Variants in ROPN1B observed in about 807,000 individuals in gnomAD.
ROPN1B encodes the protein rhophilin associated tail protein 1B.
ROPN1B carries 13 observed loss-of-function variants against 23.7 expected under a neutral mutation model. That is an observed-to-expected ratio of 0.55 (90% CI 0.36 to 0.87). The LOEUF (loss-of-function observed/expected upper bound fraction) is 0.87, where lower values mean the gene tolerates loss of function less well. ROPN1B is among the 40% of genes least tolerant of loss of function. ROPN1B has a pLI of 0.01. For missense variants in ROPN1B, 183 were observed against 249.2 expected (o/e 0.73, Z 1.79); for synonymous variants, 67 against 100.4 (o/e 0.67, Z 1.99).
intron 4 of ROPN1B, chr3:125,976,695 T>G (rs1377338729): frequency 1.1e-5 from 6 of 537,966 alleles, no homozygotes; most frequent in Non-Finnish European, 2.1e-5. Context: ...ATATAAGGAA[T>G]AAAACAATTT....
intron 5 of ROPN1B, chr3:125,977,988 T>A (rs1052596078): frequency 6.6e-5 from 10 of 152,254 alleles, no homozygotes; most frequent in Non-Finnish European, 1.5e-4. Flanking sequence ...AATCTTGTTC[T>A]TCTCAAATAT....
Position 125,975,617 on chromosome 3 carries a change from G to A in ROPN1B, c.171G>A (p.Glu57=), listed in dbSNP as rs762866287. 6.2e-7 allele frequency: 1 copy of A among 1,614,158 alleles called. No homozygotes were observed. Among genetic ancestry groups the A allele is most frequent in the Non-Finnish European group, 8.5e-7 (1 of 1,180,012 alleles). The change falls in exon 4 of 7, where the codon GAG becomes GAA. Residue 57 remains glutamate (E), a synonymous_variant. Transcript: ENST00000514116. ...CGCCTCCGGTGAGAGAGCGGTCTGAGCGAGTCGCTTTGTGTAACTGGGCAG... is the reference window on the plus strand; with the variant it reads ...CGCCTCCGGTGAGAGAGCGGTCTGAACGAGTCGCTTTGTGTAACTGGGCAG... ...GETPPVRERS[E]RVALCNWAEL...
intron 3 of ROPN1B, 62 bp from the exon 4 acceptor site, chr3:125,975,501 T>C: frequency 6.8e-7 from 1 of 1,480,112 alleles, no homozygotes. Context: ...GAAGGATTGC[T>C]AGAACAGCCA....
At chr3:125,977,940 T>C (rs1262893965) in intron 5 of ROPN1B, 1 of 152,372 alleles carries the variant, frequency 6.6e-6, no homozygotes. Flanking sequence ...ACAAATGGTA[T>C]GAAAAGGTAG....
chr3:125,982,464 A>T lies in ROPN1B; in HGVS notation c.572+19A>T. On this transcript the variant is annotated intron_variant, in intron 6 of 6. Coordinates refer to ENST00000514116, the MANE Select transcript of ROPN1B (RefSeq NM_001308313.2). ...AGGAAGTGTAAGTTAACTTTTACCA[A>T]TTGGAGGTGAAAGAATACCAGGAAA... is the stretch of plus-strand genomic sequence containing the variant. The T allele has an allele frequency of 6.3e-7, 1 of 1,576,506 alleles. No individual in the cohort carries two copies. The highest frequency in any genetic ancestry group is 8.6e-7 in the Non-Finnish European group (1 of 1,163,964).
In ROPN1B at chr3:125,970,053, C is replaced by T. The variant is rs550062738; in HGVS notation, c.-59+653C>T. ...TGAACACTAAGTTCCAGGCACTGGG[C>T]TAGGCACTGGGATGGTGTGGTGAGC... On this transcript the variant is annotated intron_variant, in intron 1 of 6. Transcript: ENST00000514116. 6.0e-5 allele frequency: 9 copies of T among 150,794 alleles called. No homozygotes were observed. In the South Asian group the frequency reaches 1.7e-3, roughly 29 times the overall value. 9.3% of individuals were successfully genotyped at this position (150,794 alleles called of 1,614,324 possible).
intron 5 of ROPN1B, among the ~76,000 whole-genome samples, chr3:125,981,138 AATT>A (rs1250145255): frequency 6.8e-6 from 1 of 148,008 alleles, no homozygotes; most frequent in Non-Finnish European, 1.5e-5. Context: ...TAAAATTAAT[AATT>A]ATTATAAATT....
intron 3 of ROPN1B, 75 bp from the exon 4 acceptor site, chr3:125,975,488 G>C (rs1559784017): frequency 7.0e-7 from 1 of 1,420,214 alleles, no homozygotes; most frequent in Non-Finnish European, 9.6e-7. Context: ...TCAGAAGAAG[G>C]GGGAAGGATT....
At chr3:125,974,128 C>T (rs1580342423) in intron 3 of ROPN1B, among the ~76,000 whole-genome samples, 1 of 152,194 alleles carries the variant, frequency 6.6e-6, no homozygotes, top group African/African-American at 2.4e-5. Flanking sequence ...CTGAGTGTTA[C>T]TCTACCCGGG....
intron 2 of ROPN1B, among the ~76,000 whole-genome samples, chr3:125,971,470 T>C (rs1411544073): frequency 6.6e-6 from 1 of 152,248 alleles, no homozygotes; most frequent in Admixed American, 6.5e-5. Flanking sequence ...TGAGAGAAAA[T>C]GTACGAGTTT....
intron 5 of ROPN1B, among the ~76,000 whole-genome samples, chr3:125,979,522 C>A (rs546159748): frequency 6.6e-6 from 1 of 152,292 alleles, no homozygotes; most frequent in South Asian, 2.1e-4. Context: ...TCATGAGGAA[C>A]AGGCCCTCAC....
Position 125,972,094 on chromosome 3 carries a change from C to G in ROPN1B, c.40C>G (p.Leu14Val). ...TAAGCCAACATGCATCCCGCCGGAGCTGCCGAAAATGCTGAAGGAGTTTGC... is the reference window on the plus strand; with the variant it reads ...TAAGCCAACATGCATCCCGCCGGAGGTGCCGAAAATGCTGAAGGAGTTTGC... The part of the protein sequence containing the change: ...TDKPTCIPPE[L>V]PKMLKEFAKA... The change falls in exon 3 of 7, where the codon CTG (leucine) becomes GTG (valine). Residue 14 changes from leucine to valine, a missense_variant. Physicochemically the swap from Leu to Val is conservative, Grantham distance 32. Around this residue, in one of 3 missense-constraint regions of ROPN1B, gnomAD observed 97 missense variants for 99.6 expected, o/e 0.97. Coordinates refer to ENST00000514116, the MANE Select transcript of ROPN1B (RefSeq NM_001308313.2). 6.2e-7 allele frequency: 1 copy of G among 1,614,212 alleles called. No individual in the cohort carries two copies.
intron 4 of ROPN1B, 121 bp downstream of exon 4, chr3:125,975,801 C>T (rs1938389720): frequency 2.5e-6 from 2 of 804,764 alleles, no homozygotes; most frequent in Non-Finnish European, 3.8e-6. Context: ...CCCTAAAATA[C>T]ACTAAACCGT....
At chr3:125,980,167 ATC>A (rs763187653) in intron 5 of ROPN1B, among the ~76,000 whole-genome samples, 3 of 152,232 alleles carry the variant, frequency 2.0e-5, no homozygotes, top group Non-Finnish European at 4.4e-5. Context: ...GAGAATGAAG[ATC>A]TGTTTCCTTT....
intron 3 of ROPN1B, chr3:125,973,151 C>G (rs371880855): frequency 2.6e-5 from 9 of 340,438 alleles, no homozygotes; most frequent in Admixed American, 4.1e-5. Flanking sequence ...TGAGAGAGGC[C>G]GTTGAGAGAA....
rs778462153 is a variant in ROPN1B, at chr3:125,972,069, T to C, written c.15T>C (p.Asp5=). The C allele has an allele frequency of 9.9e-6, 16 of 1,614,192 alleles. No homozygotes were observed. The highest frequency in any genetic ancestry group is 1.4e-5 in the Non-Finnish European group (16 of 1,180,022). The change falls in exon 3 of 7, where the codon GAT becomes GAC. Residue 5 remains aspartate, a synonymous_variant. Coordinates refer to ENST00000514116, the MANE Select transcript of ROPN1B (RefSeq NM_001308313.2). ...TCAACCAATCAATGGCTCAGACAGA[T>C]AAGCCAACATGCATCCCGCCGGAGC... is the stretch of plus-strand genomic sequence containing the variant. The part of the protein sequence containing the change: MAQT[D]KPTCIPPELP...
chr3:125,974,626 C>T (rs1054591641), intron 3 of ROPN1B, among the ~76,000 whole-genome samples: 2 of 152,162 alleles, frequency 1.3e-5, no homozygotes, highest in African/African-American at 4.8e-5. Flanking sequence ...CACATGTCAG[C>T]GGCTCATGTC....
chr3:125,978,800 C>T (rs1938512735), intron 5 of ROPN1B, among the ~76,000 whole-genome samples: 2 of 152,188 alleles, frequency 1.3e-5, no homozygotes, highest in Non-Finnish European at 2.9e-5. Context: ...GTCTACTTCA[C>T]AGCCCCTCAC....
intron 5 of ROPN1B, among the ~76,000 whole-genome samples, chr3:125,979,115 AT>A (rs1199258158): frequency 6.6e-6 from 1 of 152,292 alleles, no homozygotes; most frequent in East Asian, 1.9e-4. Flanking sequence ...CTACCTCTGA[AT>A]AACAGTGAGC....
Sources: allele counts gnomAD v4.1 joint callset (sites outside exome capture counted in the v4.1 genomes callset), GRCh38; gene constraint gnomAD v4.1.1; regional missense constraint gnomAD v4.1.1; transcripts MANE v1.5; gene names NCBI Gene and HGNC (gene_info 2026-07-23, HGNC 2026-07-21).